NFILZ: variants seen among roughly 807,000 people sequenced by gnomAD.
NFILZ encodes the protein NFIL3 like basic leucine zipper.
At chr19:8,663,748 G>GTGTATGTGTGTGTGTATGTGTGTA (rs1568423380) in intron 3 of NFILZ, among the ~76,000 whole-genome samples, 4 of 139,480 alleles carry the variant, frequency 2.9e-5, no homozygotes, top group African/African-American at 5.6e-5. Flanking sequence ...GTGTGTGTGT[G>GTGTATGTGTGTGTGTATGTGTGTA]TGTGTGTGTG....
chr19:8,663,372 G>T (rs1026776439), intron 3 of NFILZ, among the ~76,000 whole-genome samples: 3 of 150,718 alleles, frequency 2.0e-5, no homozygotes, highest in African/African-American at 7.3e-5. Context: ...CTGAGCACTT[G>T]CAGGGCTGGT....
chr19:8,657,821 C>G lies in NFILZ; in HGVS notation c.-163-16730C>G, dbSNP rs542791884. Among the ~76,000 whole-genome samples, 6 of 152,294 alleles carry G rather than the reference C, an allele frequency of 3.9e-5. No individual in the cohort carries two copies. The South Asian group carries it at 1.2e-3, about 32-fold the overall frequency. On this transcript the variant is annotated intron_variant, in intron 3 of 5. Coordinates refer to ENST00000691075, the MANE Select transcript of NFILZ (RefSeq NM_001378600.1). ...AGGACACCCCTCATTTTCCCCACCACCTGTGATCAGCCCTGGGGGTGGGAA... is the reference window on the plus strand; with the variant it reads ...AGGACACCCCTCATTTTCCCCACCAGCTGTGATCAGCCCTGGGGGTGGGAA...
At chr19:8,675,063 C>A (rs2043104770) in intron 4 of NFILZ, among the ~76,000 whole-genome samples, 1 of 152,120 alleles carries the variant, frequency 6.6e-6, no homozygotes, top group African/African-American at 2.4e-5. Flanking sequence ...GTCATTAATT[C>A]ATTCAACAAG....
intron 3 of NFILZ, among the ~76,000 whole-genome samples, chr19:8,645,324 T>C (rs1555746986): frequency 7.0e-6 from 1 of 143,624 alleles, no homozygotes; most frequent in African/African-American, 2.6e-5. Context: ...TTTTTTAAGA[T>C]ATGGGGGTCT....
intron 3 of NFILZ, among the ~76,000 whole-genome samples, chr19:8,670,150 TG>T (rs1390857831): frequency 2.0e-5 from 3 of 151,906 alleles, no homozygotes; most frequent in Non-Finnish European, 4.4e-5. Flanking sequence ...ATGCCCAGGC[TG>T]GAGTGCAGTG....
chr19:8,648,553 C>T (rs1282705579), intron 3 of NFILZ, among the ~76,000 whole-genome samples: 2 of 152,144 alleles, frequency 1.3e-5, no homozygotes, highest in African/African-American at 4.8e-5. Flanking sequence ...CATGGTGGCT[C>T]ATGCCTGTAA....
intron 3 of NFILZ, among the ~76,000 whole-genome samples, chr19:8,649,912 C>G (rs922416000): frequency 6.6e-6 from 1 of 151,104 alleles, no homozygotes; most frequent in East Asian, 2.0e-4. Context: ...GTCAGGAGTT[C>G]GACACCAGCC....
intron 3 of NFILZ, among the ~76,000 whole-genome samples, chr19:8,667,924 CTATA>C (rs1225318528): frequency 1.3e-5 from 2 of 151,858 alleles, no homozygotes; most frequent in Admixed American, 1.3e-4. Flanking sequence ...AGTTGTTATA[CTATA>C]TATGTATTTT....
intron 3 of NFILZ, among the ~76,000 whole-genome samples, chr19:8,651,634 C>T (rs986341831): frequency 6.6e-6 from 1 of 152,096 alleles, no homozygotes; most frequent in Admixed American, 6.6e-5. Flanking sequence ...TGGACTCATG[C>T]GATCCTCCTA....
At chr19:8,642,278 G>C (rs2042922321) in intron 3 of NFILZ, among the ~76,000 whole-genome samples, 1 of 151,936 alleles carries the variant, frequency 6.6e-6, no homozygotes, top group Admixed American at 6.6e-5. Context: ...GATGAATAAA[G>C]TAGGGTTTGC....
At chr19:8,654,513 G>A (rs1383613090) in intron 3 of NFILZ, among the ~76,000 whole-genome samples, 1 of 152,002 alleles carries the variant, frequency 6.6e-6, no homozygotes, top group Non-Finnish European at 1.5e-5. Context: ...TACTAGGGAG[G>A]CTGAGGTGGG....
chr19:8,638,569 G>A (rs535133599), intron 3 of NFILZ: 1 of 152,370 alleles, frequency 6.6e-6, no homozygotes, highest in South Asian at 2.1e-4. Flanking sequence ...AGCACTGGGG[G>A]TTGCAGCGGC....
intron 1 of NFILZ, among the ~76,000 whole-genome samples, chr19:8,631,830 T>TTCTG (rs367777602): frequency 6.9e-6 from 1 of 145,898 alleles, no homozygotes; most frequent in African/African-American, 2.6e-5. Context: ...GTCCTCGCTT[T>TTCTG]TGTGTGTGTG....
chr19:8,652,985 TTCCTTCCTTCCTTCCTTCCTTC>T (rs2042972713), intron 3 of NFILZ, among the ~76,000 whole-genome samples: 24 of 46,046 alleles, frequency 5.2e-4, no homozygotes, highest in African/African-American at 2.7e-3. Flanking sequence ...CCTTCCTTCC[TTCCTTCCTTCCTTCCTTCCTTC>T]CTTCCTTTCT....
At chr19:8,641,176 C>T (rs116626346) in intron 3 of NFILZ, among the ~76,000 whole-genome samples, 1,848 of 151,960 alleles carry the variant, frequency 0.012, 41 homozygotes, top group African/African-American at 0.043. Context: ...CAGCCTCCCG[C>T]GTAGCTGGGA....
At position 8,679,135 on chromosome 19, in the gene NFILZ, C is replaced by A. The variant is rs2043132906; in HGVS notation, c.*1500C>A. Among the ~76,000 whole-genome samples, 1 of 150,258 alleles carries A rather than the reference C, an allele frequency of 6.7e-6. No homozygotes were observed. On this transcript the variant is annotated 3_prime_UTR_variant, in exon 6 of 6. Transcript: ENST00000691075. ...AGTGTCCTCTCTCTCCCTGGCTGCC[C>A]CCTGCCCCTGAGAACCAGGTATACA...
At chr19:8,647,789 GCGCGCGCACACA>G (rs1184455971) in intron 3 of NFILZ, among the ~76,000 whole-genome samples, 10,451 of 106,538 alleles carry the variant, frequency 0.098, 409 homozygotes, top group Middle Eastern at 0.22. Context: ...GCGCGCGCGC[GCGCGCGCACACA>G]CACACACACA....
chr19:8,672,882 A>G (rs2043094903), intron 3 of NFILZ, among the ~76,000 whole-genome samples: 1 of 152,208 alleles, frequency 6.6e-6, no homozygotes, highest in African/African-American at 2.4e-5. Context: ...TTATACTTTC[A>G]TAAGCACACC....
At chr19:8,638,692 A>C (rs1555746360) in intron 3 of NFILZ, 2 of 151,050 alleles carry the variant, frequency 1.3e-5, no homozygotes, top group African/African-American at 4.9e-5. Context: ...GTTTGTGTAC[A>C]TGGGGAAGAG....
Sources: gnomAD v4.1 joint callset for allele counts (sites outside exome capture counted in the v4.1 genomes callset) on GRCh38, gnomAD v4.1.1 for gene constraint, MANE v1.5 for transcripts, NCBI Gene and HGNC (gene_info 2026-07-23, HGNC 2026-07-21) for gene names.